Variants in UNC79 observed in about 807,000 individuals in gnomAD.
The protein encoded by UNC79 is unc-79 subunit of NALCN channel complex.
UNC79 carries 37 observed loss-of-function variants against 283.1 expected under a neutral mutation model. The ratio of observed to expected loss-of-function variants is 0.13; its 90% CI spans 0.10 to 0.17. The LOEUF (loss-of-function observed/expected upper bound fraction) is 0.17. UNC79 is among the 10% of genes least tolerant of loss of function. The probability of loss-of-function intolerance (pLI) is 1.00; values close to 1 mark genes in which losing one functional copy is unlikely to be tolerated. For missense variants in UNC79, 2,272 were observed against 3,211.1 expected, an observed-to-expected ratio of 0.71 and a Z score of 7.07; for synonymous variants, 1,107 against 1,200.2, an observed-to-expected ratio of 0.92 and a Z score of 1.61.
At chr14:93,357,694 T>TGG (rs1263518033) in intron 1 of UNC79, among the ~76,000 whole-genome samples, 1 of 116,562 alleles carries the variant, frequency 8.6e-6, no homozygotes, top group African/African-American at 4.1e-5. Context: ...TATATATATA[T>TGG]ATATATATAT....
intron 1 of UNC79, among the ~76,000 whole-genome samples, chr14:93,391,598 A>G (rs1324249742): frequency 1.3e-5 from 2 of 152,168 alleles, no homozygotes; most frequent in Non-Finnish European, 2.9e-5. Flanking sequence ...CCTTGTATCT[A>G]TAATTTCTTT....
chr14:93,439,239 T>C (rs1041710292), intron 1 of UNC79, among the ~76,000 whole-genome samples: 2 of 152,120 alleles, frequency 1.3e-5, no homozygotes, highest in African/African-American at 4.8e-5. Flanking sequence ...GTATCTCCAA[T>C]ACAGTGTGAA....
At position 93,608,956 on chromosome 14, in the gene UNC79, C is replaced by T. The variant is rs78336768; in HGVS notation, c.3755-3841C>T. The stretch of plus-strand genomic sequence containing the variant: ...AATATGTCATTTGCCTTCAAGAAGC[C>T]TATGTTCTTATTGGAGTATTAAGGC... On this transcript the variant is annotated intron_variant, in intron 26 of 48. Transcript: ENST00000555664. Among the ~76,000 whole-genome samples the T allele has an allele frequency of 2.0e-5, 3 of 152,272 alleles. No homozygotes were observed. In the East Asian group the frequency reaches 5.8e-4, roughly 29 times the overall value.
chr14:93,544,549 T>A (rs941045959), intron 14 of UNC79, among the ~76,000 whole-genome samples: 1 of 152,216 alleles, frequency 6.6e-6, no homozygotes, highest in Non-Finnish European at 1.5e-5. Flanking sequence ...TTTAAAATAC[T>A]CTTTATACCA....
chr14:93,665,046 G>T (rs1017199399), intron 40 of UNC79, among the ~76,000 whole-genome samples: 1 of 151,322 alleles, frequency 6.6e-6, no homozygotes, highest in African/African-American at 2.4e-5. Context: ...GACTATAAAT[G>T]ATATACATAT....
chr14:93,575,248 C>T, intron 17 of UNC79, 50 bp downstream of exon 17: 1 of 1,610,946 alleles, frequency 6.2e-7, no homozygotes, highest in Non-Finnish European at 8.5e-7. Context: ...ATCTTGAAAA[C>T]CCTTGTCAGT....
At chr14:93,581,046 G>A (rs1291159792) in intron 19 of UNC79, among the ~76,000 whole-genome samples, 2 of 151,812 alleles carry the variant, frequency 1.3e-5, no homozygotes, top group Non-Finnish European at 2.9e-5. Flanking sequence ...CCATCTAGCT[G>A]TTGACAGACA....
chr14:93,705,765 T>G (rs1487748367), intron 48 of UNC79, among the ~76,000 whole-genome samples: 1 of 152,222 alleles, frequency 6.6e-6, no homozygotes, highest in East Asian at 1.9e-4. Flanking sequence ...TCTGTAGCAC[T>G]AAGAGTGTCA....
At chr14:93,543,699 C>G (rs1399441087) in intron 14 of UNC79, among the ~76,000 whole-genome samples, 1 of 152,156 alleles carries the variant, frequency 6.6e-6, no homozygotes, top group Non-Finnish European at 1.5e-5. Flanking sequence ...TAATTTGCAT[C>G]TAACCCAGAA....
At chr14:93,435,148 A>G (rs2056036356) in intron 1 of UNC79, among the ~76,000 whole-genome samples, 1 of 152,336 alleles carries the variant, frequency 6.6e-6, no homozygotes, top group Middle Eastern at 3.4e-3. Context: ...TCATTTAGAA[A>G]TCTTTTCACA....
intron 12 of UNC79, among the ~76,000 whole-genome samples, chr14:93,539,783 A>G (rs1190028804): frequency 6.6e-6 from 1 of 152,216 alleles, no homozygotes; most frequent in Non-Finnish European, 1.5e-5. Flanking sequence ...AACTGTAATC[A>G]GTGTATCCAC....
chr14:93,582,451 T>C, intron 20 of UNC79, 107 bp downstream of exon 20: 1 of 1,486,698 alleles, frequency 6.7e-7, no homozygotes, highest in Non-Finnish European at 9.0e-7. Flanking sequence ...AGACGTGGTT[T>C]CCTTAGTATA....
At chr14:93,654,969 A>G (rs2070764913) in intron 37 of UNC79, among the ~76,000 whole-genome samples, 1 of 152,212 alleles carries the variant, frequency 6.6e-6, no homozygotes, top group Non-Finnish European at 1.5e-5. Context: ...TTGTTTTCTT[A>G]GCACCTAACC....
chr14:93,441,728 A>G (rs928287148), intron 1 of UNC79, among the ~76,000 whole-genome samples: 1 of 152,156 alleles, frequency 6.6e-6, no homozygotes, highest in African/African-American at 2.4e-5. Flanking sequence ...AGACAATCAT[A>G]TCCATATGCC....
chr14:93,451,230 C>T (rs1252535123), intron 1 of UNC79, among the ~76,000 whole-genome samples: 1 of 152,022 alleles, frequency 6.6e-6, no homozygotes, highest in East Asian at 1.9e-4. Flanking sequence ...GGTTGGCCTT[C>T]CTTCCCTGTC....
chr14:93,632,154 T>G (rs184274912), intron 31 of UNC79, among the ~76,000 whole-genome samples: 1 of 152,338 alleles, frequency 6.6e-6, no homozygotes, highest in Admixed American at 6.5e-5. Flanking sequence ...CCATGTTCAT[T>G]TTTAGTATAC....
chr14:93,539,732 C>T (rs1433369988), intron 12 of UNC79, among the ~76,000 whole-genome samples: 2 of 152,034 alleles, frequency 1.3e-5, no homozygotes, highest in African/African-American at 4.8e-5. Context: ...ATCAGTGTTG[C>T]TTATGTTCTA....
chr14:93,425,485 T>G (rs541210109), upstream of UNC79, among the ~76,000 whole-genome samples: 3 of 152,304 alleles, frequency 2.0e-5, no homozygotes, highest in East Asian at 3.9e-4. Context: ...AAAGACTTAT[T>G]ATAAAGCTAT....
At chr14:93,410,087 A>G in intron 1 of UNC79, among the ~76,000 whole-genome samples, 1 of 152,258 alleles carries the variant, frequency 6.6e-6, no homozygotes, top group Non-Finnish European at 1.5e-5. Context: ...AATCACTGAC[A>G]CCACCCTTCC....
Sources: gnomAD v4.1 joint callset for allele counts (sites outside exome capture counted in the v4.1 genomes callset) on GRCh38, gnomAD v4.1.1 for gene constraint, MANE v1.5 for transcripts, NCBI Gene and HGNC (gene_info 2026-07-23, HGNC 2026-07-21) for gene names.